Variants in BBS9 observed in about 807,000 individuals in gnomAD.
BBS9 encodes the protein Bardet-Biedl syndrome 9, also known as protein PTHB1.
In BBS9, 89 loss-of-function variants were observed where a neutral mutation model predicts 117.7. The observed-to-expected ratio is 0.76, with a 90% CI of 0.64 to 0.90. BBS9 has a LOEUF of 0.90. BBS9 is among the 40% of genes least tolerant of loss of function. The pLI, the probability that BBS9 is intolerant of heterozygous loss-of-function variation, is 0.00. For missense variants in BBS9, 982 were observed against 1,042.2 expected (o/e 0.94, Z 0.80); for synonymous variants, 379 against 370.9 (o/e 1.02, Z -0.25).
rs116981381 is a variant in BBS9, at chr7:33,476,680, C to T, written c.2116-28783C>T. On this transcript the variant is annotated intron_variant, in intron 19 of 22. Transcript: ENST00000242067. ...TACTTCTCAGCTCCCTCATTACCTA[C>T]TAAACTCCACATCAAAGTCCCTCAA... is the stretch of plus-strand genomic sequence containing the variant. 7.9e-4 allele frequency among the ~76,000 whole-genome samples: 121 copies of T among 152,308 alleles called. 2 individuals carry two copies. The East Asian group carries it at 0.02, about 26-fold the overall frequency.
intron 5 of BBS9, among the ~76,000 whole-genome samples, chr7:33,218,547 T>C (rs193154734): frequency 2.0e-5 from 3 of 152,330 alleles, no homozygotes; most frequent in African/African-American, 4.8e-5. Flanking sequence ...ACATGTGGCA[T>C]TGGGAGATAG....
intron 4 of BBS9, among the ~76,000 whole-genome samples, chr7:33,175,075 G>A (rs868704094): frequency 1.1e-3 from 165 of 152,238 alleles, no homozygotes; most frequent in African/African-American, 3.8e-3. Context: ...AGGCCGAGGC[G>A]AGTGGAACAC....
At chr7:33,418,687 C>T (rs1832392597) in intron 19 of BBS9, among the ~76,000 whole-genome samples, 2 of 152,136 alleles carry the variant, frequency 1.3e-5, no homozygotes, top group Non-Finnish European at 2.9e-5. Flanking sequence ...CATCTTGTAG[C>T]CACCTTGCTG....
chr7:33,624,160 G>A (rs1276820736), intron 21 of BBS9, among the ~76,000 whole-genome samples: 4 of 152,124 alleles, frequency 2.6e-5, no homozygotes, highest in African/African-American at 7.2e-5. Context: ...GGCCAAAAGA[G>A]CTTTTTGTCA....
At chr7:33,509,434 G>A (rs1186838621) in intron 20 of BBS9, among the ~76,000 whole-genome samples, 1 of 152,116 alleles carries the variant, frequency 6.6e-6, no homozygotes. Context: ...GGTGAGGCAG[G>A]GAAGAAAGGA....
chr7:33,429,673 A>T (rs1005018669), intron 19 of BBS9, among the ~76,000 whole-genome samples: 2 of 151,734 alleles, frequency 1.3e-5, no homozygotes, highest in African/African-American at 4.9e-5. Context: ...AAATTTATTT[A>T]TTTATTTTTT....
chr7:33,396,157 C>T (rs1827920088), intron 19 of BBS9, among the ~76,000 whole-genome samples: 1 of 152,050 alleles, frequency 6.6e-6, no homozygotes, highest in African/African-American at 2.4e-5. Context: ...TATAATTTTA[C>T]TCTTGAATAT....
rs993886873 is a variant in BBS9, at chr7:33,241,630, T to C, written c.443-15606T>C. On this transcript the variant is annotated intron_variant, in intron 5 of 22. Coordinates refer to ENST00000242067, the MANE Select transcript of BBS9 (RefSeq NM_198428.3). ...TATTTTCCATTCATCTCTAGTATTT[T>C]GATGCATCTTGGATTTTTTTAGATT... Among the ~76,000 whole-genome samples, 3 of 152,284 alleles carry C rather than the reference T, an allele frequency of 2.0e-5. No individual in the cohort carries two copies. The South Asian group carries it at 6.2e-4, about 32-fold the overall frequency.
At chr7:33,272,966 T>C (rs200319644) in intron 7 of BBS9, 46 bp from the exon 8 acceptor site, 2 of 1,593,012 alleles carry the variant, frequency 1.3e-6, no homozygotes, top group African/African-American at 2.7e-5. Flanking sequence ...ATAACTGAAA[T>C]TTTCTGAGGT....
chr7:33,408,868 C>G (rs904936336), intron 19 of BBS9, among the ~76,000 whole-genome samples: 1 of 152,138 alleles, frequency 6.6e-6, no homozygotes, highest in African/African-American at 2.4e-5. Flanking sequence ...TCACAAGTAT[C>G]TGTTATTTTT....
chr7:33,160,086 T>C (rs1794627337), intron 4 of BBS9, among the ~76,000 whole-genome samples: 1 of 152,216 alleles, frequency 6.6e-6, no homozygotes, highest in Admixed American at 6.5e-5. Context: ...GTAAGTAATC[T>C]AGAGCAGTTC....
chr7:33,530,016 T>A (rs1850323477), intron 20 of BBS9, among the ~76,000 whole-genome samples: 1 of 152,202 alleles, frequency 6.6e-6, no homozygotes, highest in Non-Finnish European at 1.5e-5. Flanking sequence ...TTAAGGTACT[T>A]CTCACACCTG....
chr7:33,131,167 C>T (rs1268709668), intron 1 of BBS9, among the ~76,000 whole-genome samples: 1 of 152,146 alleles, frequency 6.6e-6, no homozygotes, highest in Non-Finnish European at 1.5e-5. Context: ...TTGTGTCTTG[C>T]ACAGAACACA....
chr7:33,346,233 A>G (rs2128651806), intron 12 of BBS9: 1 of 469,778 alleles, frequency 2.1e-6, no homozygotes, highest in Admixed American at 2.4e-5. Context: ...ACAGCAGCCA[A>G]GATATACAAC....
chr7:33,419,315 T>C (rs535575103), intron 19 of BBS9, among the ~76,000 whole-genome samples: 1 of 152,302 alleles, frequency 6.6e-6, no homozygotes, highest in East Asian at 1.9e-4. Flanking sequence ...TGAAATAAAA[T>C]GTACCTTTTT....
At chr7:33,313,034 GTGGT>G (rs1472766471) in intron 9 of BBS9, among the ~76,000 whole-genome samples, 5 of 132,236 alleles carry the variant, frequency 3.8e-5, no homozygotes, top group African/African-American at 1.3e-4. Context: ...GCTGTACTCT[GTGGT>G]GTGTGTGTGT....
At chr7:33,590,194 C>G (rs938462538) in intron 21 of BBS9, among the ~76,000 whole-genome samples, 1 of 151,968 alleles carries the variant, frequency 6.6e-6, no homozygotes, top group African/African-American at 2.4e-5. Context: ...GAGGCAAAAG[C>G]TAGACTGGGA....
intron 3 of BBS9, among the ~76,000 whole-genome samples, chr7:33,154,195 G>T (rs1007814026): frequency 6.6e-6 from 1 of 152,140 alleles, no homozygotes; most frequent in African/African-American, 2.4e-5. Flanking sequence ...TGATAGTCAT[G>T]TATATTTGCA....
chr7:33,625,765 G>A (rs1210796127), intron 21 of BBS9, among the ~76,000 whole-genome samples: 1 of 152,140 alleles, frequency 6.6e-6, no homozygotes, highest in Non-Finnish European at 1.5e-5. Context: ...TAAAGATACG[G>A]TCATAAGATA....
Sources: allele counts gnomAD v4.1 joint callset (sites outside exome capture counted in the v4.1 genomes callset), GRCh38; gene constraint gnomAD v4.1.1; transcripts MANE v1.5; gene names NCBI Gene and HGNC (gene_info 2026-07-23, HGNC 2026-07-21).